CPED1: variants seen among roughly 807,000 people sequenced by gnomAD.
CPED1 encodes cadherin-like and PC-esterase domain-containing protein 1.
A neutral mutation model predicts 128.2 loss-of-function variants in CPED1; 114 were observed. That is an observed-to-expected ratio of 0.89 (90% CI 0.76 to 1.04). The LOEUF is 1.04. Among genes scored for constraint, CPED1 ranks in the 50% least tolerant of loss-of-function variants. The probability of loss-of-function intolerance (pLI) is 0.00; values close to 1 mark genes in which losing one functional copy is unlikely to be tolerated. For missense variants in CPED1, 1,211 were observed against 1,207.1 expected, an observed-to-expected ratio of 1.00 and a Z score of -0.05; for synonymous variants, 462 against 426.7, an observed-to-expected ratio of 1.08 and a Z score of -1.02.
intron 2 of CPED1, among the ~76,000 whole-genome samples, chr7:121,015,088 G>A (rs1205642321): frequency 6.6e-6 from 1 of 152,182 alleles, no homozygotes; most frequent in African/African-American, 2.4e-5. Flanking sequence ...TACTTCAGTA[G>A]TTCTCCTCTC....
At chr7:121,282,218 G>A (rs1463991879) in intron 22 of CPED1, among the ~76,000 whole-genome samples, 5 of 152,114 alleles carry the variant, frequency 3.3e-5, no homozygotes, top group Non-Finnish European at 7.4e-5. Context: ...ACAAACATCT[G>A]AGGCCTTTTG....
At chr7:121,166,013 C>T (rs1344380904) in intron 16 of CPED1, among the ~76,000 whole-genome samples, 1 of 152,100 alleles carries the variant, frequency 6.6e-6, no homozygotes, top group East Asian at 1.9e-4. Context: ...AAATCAACAT[C>T]CTTCTTATTG....
intron 4 of CPED1, among the ~76,000 whole-genome samples, chr7:121,053,883 G>T (rs1793425838): frequency 6.6e-6 from 1 of 152,032 alleles, no homozygotes; most frequent in Admixed American, 6.6e-5. Flanking sequence ...TTTTGTTGTT[G>T]CTCAAATTGT....
intron 16 of CPED1, among the ~76,000 whole-genome samples, chr7:121,143,697 AT>A (rs1272529459): frequency 6.6e-6 from 1 of 151,920 alleles, no homozygotes; most frequent in Non-Finnish European, 1.5e-5. Flanking sequence ...TTGGTGGAGC[AT>A]TTTTTTCATA....
intron 18 of CPED1, among the ~76,000 whole-genome samples, chr7:121,250,187 A>G (rs1434290014): frequency 6.6e-6 from 1 of 152,222 alleles, no homozygotes; most frequent in East Asian, 1.9e-4. Flanking sequence ...CTGCTCAACT[A>G]CATGGAAACT....
At chr7:121,193,976 T>C (rs1171152428) in intron 16 of CPED1, among the ~76,000 whole-genome samples, 2 of 146,416 alleles carry the variant, frequency 1.4e-5, no homozygotes, top group African/African-American at 5.0e-5. Context: ...TCATGGCCTC[T>C]ATTAACATGG....
At chr7:121,097,946 TACATAA>T (rs1794741396) in intron 6 of CPED1, 115 bp downstream of exon 6, 2 of 1,041,404 alleles carry the variant, frequency 1.9e-6, no homozygotes, top group South Asian at 4.2e-5. Flanking sequence ...TAGTTTCTCT[TACATAA>T]ATTTTCAGCT....
intron 16 of CPED1, among the ~76,000 whole-genome samples, chr7:121,234,913 A>T (rs1798219493): frequency 6.6e-6 from 1 of 152,110 alleles, no homozygotes; most frequent in Non-Finnish European, 1.5e-5. Flanking sequence ...TAGTCCATTT[A>T]GATTTATCCT....
At chr7:121,013,058 T>C (rs754473208) in intron 2 of CPED1, among the ~76,000 whole-genome samples, 9 of 152,152 alleles carry the variant, frequency 5.9e-5, no homozygotes, top group Non-Finnish European at 8.8e-5. Context: ...AAATGTGACA[T>C]GGGGATTCTG....
chr7:121,254,148 T>C (rs6960849), intron 18 of CPED1, among the ~76,000 whole-genome samples: 63,106 of 151,880 alleles, frequency 0.42, 13,555 homozygotes, highest in Middle Eastern at 0.52. Flanking sequence ...TAAGATTGAA[T>C]ACATGCTTGA....
At position 121,216,181 on chromosome 7, in the gene CPED1, G is replaced by A. The variant is rs548387442; in HGVS notation, c.2056-20533G>A. On this transcript the variant is annotated intron_variant, in intron 16 of 22. Transcript: ENST00000310396. Reference sequence around the variant, plus strand: ...ACAGTGATTTAAATAAGATAGAAAAGTATTTCTCTCTTGTAACAGTATAGG... The same window carrying A: ...ACAGTGATTTAAATAAGATAGAAAAATATTTCTCTCTTGTAACAGTATAGG... Among the ~76,000 whole-genome samples, 207 of 152,156 alleles carry A rather than the reference G, an allele frequency of 1.4e-3. 1 individual carries two copies. Among genetic ancestry groups the A allele is most frequent in the Non-Finnish European group, 1.8e-3 (121 of 67,962 alleles).
intron 16 of CPED1, among the ~76,000 whole-genome samples, chr7:121,148,220 A>C (rs1478817430): frequency 2.6e-5 from 4 of 152,192 alleles, no homozygotes; most frequent in African/African-American, 9.6e-5. Context: ...AAGTGCTCTC[A>C]ACTAGTAACA....
At chr7:121,097,893 A>C in intron 6 of CPED1, 62 bp downstream of exon 6, 1 of 1,568,770 alleles carries the variant, frequency 6.4e-7, no homozygotes, top group Non-Finnish European at 8.7e-7. Context: ...CTAACAAGAG[A>C]AAAGCACAGA....
intron 3 of CPED1, among the ~76,000 whole-genome samples, chr7:121,025,118 T>C (rs550355308): frequency 9.2e-5 from 14 of 152,228 alleles, no homozygotes; most frequent in African/African-American, 3.4e-4. Context: ...GACTTGATGT[T>C]TCCCAAAATA....
chr7:121,237,128 T>C (rs1798277660), intron 17 of CPED1, among the ~76,000 whole-genome samples: 1 of 152,176 alleles, frequency 6.6e-6, no homozygotes, highest in Non-Finnish European at 1.5e-5. Flanking sequence ...TTCTTTATTA[T>C]ATAGTTGATA....
intron 16 of CPED1, among the ~76,000 whole-genome samples, chr7:121,206,711 A>G (rs1409821229): frequency 6.6e-6 from 1 of 151,960 alleles, no homozygotes; most frequent in African/African-American, 2.4e-5. Flanking sequence ...CTAGATCAGT[A>G]CATACTAATT....
At chr7:121,248,422 G>A (rs7811248) in intron 18 of CPED1, among the ~76,000 whole-genome samples, 2 of 151,728 alleles carry the variant, frequency 1.3e-5, no homozygotes, top group Non-Finnish European at 2.9e-5. Context: ...GAGAGGAGGT[G>A]ACCTCTCTCC....
At chr7:121,060,071 GGCCGGCCCTGCCGGC>G (rs1793615433) in intron 4 of CPED1, among the ~76,000 whole-genome samples, 1 of 152,192 alleles carries the variant, frequency 6.6e-6, no homozygotes, top group Non-Finnish European at 1.5e-5. Flanking sequence ...CGGAGCAGCC[GGCCGGCCCTGCCGGC>G]CCGGGCAATG....
intron 3 of CPED1, among the ~76,000 whole-genome samples, chr7:121,024,918 AG>A (rs1350440116): frequency 6.6e-6 from 1 of 152,200 alleles, no homozygotes; most frequent in Non-Finnish European, 1.5e-5. Flanking sequence ...CTCCAGGTAC[AG>A]GGTGTTTGCT....
Sources: allele counts gnomAD v4.1 joint callset (sites outside exome capture counted in the v4.1 genomes callset), GRCh38; gene constraint gnomAD v4.1.1; transcripts MANE v1.5; gene names NCBI Gene and HGNC (gene_info 2026-07-23, HGNC 2026-07-21).